Variants in KALRN observed in about 807,000 individuals in gnomAD.
The protein encoded by KALRN is kalirin RhoGEF kinase.
KALRN carries 70 observed loss-of-function variants against 353.7 expected under a neutral mutation model. The ratio of observed to expected loss-of-function variants is 0.20; its 90% confidence interval spans 0.16 to 0.24. KALRN has a LOEUF of 0.24. Among genes scored for constraint, KALRN ranks in the 10% least tolerant of loss-of-function variants. The pLI, the probability that KALRN is intolerant of heterozygous loss-of-function variation, is 1.00. For synonymous variants in KALRN, 1,391 were observed against 1,434.8 expected, an observed-to-expected ratio of 0.97 and a Z score of 0.69; for missense variants, 2,791 against 3,756.7, an observed-to-expected ratio of 0.74 and a Z score of 6.72.
At chr3:124,327,895 T>G (rs925380050) in intron 7 of KALRN, among the ~76,000 whole-genome samples, 18 of 152,330 alleles carry the variant, frequency 1.2e-4, no homozygotes, top group Admixed American at 7.2e-4. Flanking sequence ...AGCTCCACCA[T>G]TCATTCACCC....
chr3:124,526,578 A>T (rs540808586), intron 33 of KALRN, among the ~76,000 whole-genome samples: 22 of 152,224 alleles, frequency 1.4e-4, no homozygotes, highest in Middle Eastern at 3.4e-3. Flanking sequence ...GTGTCTCAAA[A>T]AATAATAATA....
At chr3:124,045,094 G>C (rs144832290) in intron 1 of KALRN, among the ~76,000 whole-genome samples, 1 of 152,026 alleles carries the variant, frequency 6.6e-6, no homozygotes, top group Non-Finnish European at 1.5e-5. Flanking sequence ...TGGGGTGGGG[G>C]CACAATATTG....
intron 1 of KALRN, among the ~76,000 whole-genome samples, chr3:124,183,265 A>G (rs986631154): frequency 1.3e-5 from 2 of 152,186 alleles, no homozygotes; most frequent in African/African-American, 4.8e-5. Context: ...AGGAGGTTTA[A>G]TTGGCTCATG....
intron 1 of KALRN, among the ~76,000 whole-genome samples, chr3:124,066,538 G>T (rs1426664030): frequency 6.6e-6 from 1 of 152,166 alleles, no homozygotes; most frequent in East Asian, 1.9e-4. Context: ...AGGGAAGCGA[G>T]TGGTTACCAG....
intron 1 of KALRN, among the ~76,000 whole-genome samples, chr3:124,053,855 A>G (rs547917909): frequency 4.6e-5 from 7 of 152,280 alleles, no homozygotes; most frequent in Admixed American, 3.9e-4. Flanking sequence ...TCCCTTTAAG[A>G]TCCATTTCCG....
intron 1 of KALRN, among the ~76,000 whole-genome samples, chr3:124,034,966 T>A (rs966804681): frequency 6.6e-6 from 1 of 151,954 alleles, no homozygotes; most frequent in Admixed American, 6.5e-5. Flanking sequence ...CTGGAGGTCA[T>A]CTCTAGGGAA....
intron 1 of KALRN, among the ~76,000 whole-genome samples, chr3:124,034,018 TC>T (rs1431515915): frequency 1.3e-5 from 2 of 150,460 alleles, no homozygotes; most frequent in Non-Finnish European, 3.0e-5. Context: ...GGCTGGGAAC[TC>T]CGCGCCCCTC....
intron 23 of KALRN, among the ~76,000 whole-genome samples, chr3:124,460,963 C>T (rs1353666538): frequency 6.6e-6 from 1 of 152,146 alleles, no homozygotes; most frequent in Non-Finnish European, 1.5e-5. Context: ...TTATACTGTG[C>T]TTATGGTTGC....
chr3:124,550,237 T>C (rs1228840631), intron 33 of KALRN, among the ~76,000 whole-genome samples: 1 of 151,756 alleles, frequency 6.6e-6, no homozygotes, highest in East Asian at 1.9e-4. Context: ...CAAAAATATT[T>C]TGAGATTGGG....
chr3:124,277,384 G>A (rs1283470111), intron 5 of KALRN, among the ~76,000 whole-genome samples: 2 of 152,078 alleles, frequency 1.3e-5, no homozygotes, highest in African/African-American at 2.4e-5. Flanking sequence ...TCCTGTTGAC[G>A]GAGCTCAGGG....
chr3:124,543,403 A>G (rs1305753113), intron 33 of KALRN, among the ~76,000 whole-genome samples: 1 of 150,314 alleles, frequency 6.7e-6, no homozygotes, highest in African/African-American at 2.5e-5. Context: ...CCAGGTTCTC[A>G]CCATTCTCCT....
At chr3:124,168,042 T>C (rs1166432572) in intron 1 of KALRN, among the ~76,000 whole-genome samples, 1 of 152,166 alleles carries the variant, frequency 6.6e-6, no homozygotes, top group Non-Finnish European at 1.5e-5. Context: ...TGACTTTGTG[T>C]TGGGAAGATC....
chr3:124,444,097 CAT>C (rs2150632213), intron 19 of KALRN, among the ~76,000 whole-genome samples: 1 of 152,278 alleles, frequency 6.6e-6, no homozygotes, highest in Middle Eastern at 3.4e-3. Context: ...CAACTGTAAA[CAT>C]ATGTTGTTGA....
At chr3:124,154,960 A>G (rs2068756879) in intron 1 of KALRN, among the ~76,000 whole-genome samples, 1 of 152,172 alleles carries the variant, frequency 6.6e-6, no homozygotes, top group African/African-American at 2.4e-5. Flanking sequence ...CGCCACATAT[A>G]TACAACTATC....
chr3:124,056,444 T>C (rs1577635601), intron 1 of KALRN, among the ~76,000 whole-genome samples: 1 of 152,184 alleles, frequency 6.6e-6, no homozygotes, highest in African/African-American at 2.4e-5. Flanking sequence ...ACTGGTTTCC[T>C]TTCTGATTCT....
At chr3:124,230,485 T>C (rs555636731) in intron 2 of KALRN, among the ~76,000 whole-genome samples, 2 of 152,176 alleles carry the variant, frequency 1.3e-5, no homozygotes, top group Non-Finnish European at 2.9e-5. Flanking sequence ...TTTTTTCCCA[T>C]GTAAATTCAG....
chr3:124,631,291 A>C (rs1249522451), intron 34 of KALRN, among the ~76,000 whole-genome samples: 1 of 152,074 alleles, frequency 6.6e-6, no homozygotes, highest in African/African-American at 2.4e-5. Flanking sequence ...CAACTCTGCA[A>C]TTATCTCCAG....
intron 23 of KALRN, among the ~76,000 whole-genome samples, chr3:124,458,058 C>T (rs1003907959): frequency 6.6e-6 from 1 of 151,944 alleles, no homozygotes; most frequent in Non-Finnish European, 1.5e-5. Context: ...GTTGGATTAC[C>T]TGAGGTCAGG....
At chr3:124,495,803 A>G (rs1227110654) in intron 32 of KALRN, among the ~76,000 whole-genome samples, 11 of 147,284 alleles carry the variant, frequency 7.5e-5, no homozygotes, top group Non-Finnish European at 1.6e-4. Context: ...CTGTAAATGA[A>G]CCCTCATCTT....
Sources: allele counts gnomAD v4.1 joint callset (sites outside exome capture counted in the v4.1 genomes callset), GRCh38; gene constraint gnomAD v4.1.1; transcripts MANE v1.5; gene names NCBI Gene and HGNC (gene_info 2026-07-23, HGNC 2026-07-21).